The following PPP1R9A variants were observed in gnomAD, a reference collection of about 807,000 sequenced individuals.
The protein encoded by PPP1R9A is neurabin-1.
Under a neutral mutation model 141.9 loss-of-function variants are expected in PPP1R9A, and 59 were observed. That is an observed-to-expected ratio of 0.42 (90% CI 0.34 to 0.52). The LOEUF (loss-of-function observed/expected upper bound fraction) is 0.52, where lower values mean the gene tolerates loss of function less well. PPP1R9A is among the 20% of genes least tolerant of loss of function. The probability of loss-of-function intolerance (pLI) is 0.10; values close to 1 mark genes in which losing one functional copy is unlikely to be tolerated. For missense variants in PPP1R9A, 1,444 were observed against 1,611.9 expected (o/e 0.90, Z 1.78); for synonymous variants, 500 against 569.7 (o/e 0.88, Z 1.74).
chr7:95,189,475 C>G (rs1294159690), intron 5 of PPP1R9A, among the ~76,000 whole-genome samples: 1 of 124,936 alleles, frequency 8.0e-6, no homozygotes, highest in Non-Finnish European at 1.6e-5. Flanking sequence ...CTCGCTCTGT[C>G]GCCCAGGCTG....
At chr7:95,106,170 A>G (rs186239151) in intron 2 of PPP1R9A, among the ~76,000 whole-genome samples, 228 of 152,334 alleles carry the variant, frequency 1.5e-3, no homozygotes, top group African/African-American at 4.9e-3. Flanking sequence ...ATTATCCCTC[A>G]TATTACCCTG....
At chr7:95,168,522 T>C (rs1328702271) in intron 5 of PPP1R9A, among the ~76,000 whole-genome samples, 4 of 90,566 alleles carry the variant, frequency 4.4e-5, no homozygotes, top group Admixed American at 1.1e-4. Context: ...GCACAGGCAA[T>C]GAAAAAAAAA....
chr7:95,003,794 TA>T (rs1308353678), intron 2 of PPP1R9A, among the ~76,000 whole-genome samples: 1 of 152,330 alleles, frequency 6.6e-6, no homozygotes, highest in South Asian at 2.1e-4. Flanking sequence ...TAGGTAATTC[TA>T]ATGTGTAGTC....
At chr7:94,936,394 C>T (rs1026310106) in intron 2 of PPP1R9A, among the ~76,000 whole-genome samples, 1 of 152,116 alleles carries the variant, frequency 6.6e-6, no homozygotes, top group Admixed American at 6.6e-5. Context: ...CAGGCTTCTG[C>T]CAGTAGTAGT....
At chr7:95,188,348 CCCTT>C (rs540552443) in intron 5 of PPP1R9A, among the ~76,000 whole-genome samples, 92 of 152,092 alleles carry the variant, frequency 6.0e-4, no homozygotes, top group African/African-American at 2.2e-3. Flanking sequence ...CTTTTTCCAC[CCCTT>C]TACCTTAAGT....
chr7:95,065,700 G>A (rs739505), intron 2 of PPP1R9A, among the ~76,000 whole-genome samples: 50,113 of 151,966 alleles, frequency 0.33, 9,687 homozygotes, highest in Non-Finnish European at 0.44. Context: ...TGCACAGCTC[G>A]GTTGTACTTT....
At chr7:95,051,590 T>C (rs944445643) in intron 2 of PPP1R9A, among the ~76,000 whole-genome samples, 1 of 152,202 alleles carries the variant, frequency 6.6e-6, no homozygotes, top group African/African-American at 2.4e-5. Flanking sequence ...TCTTTATACA[T>C]GTCATTTCAG....
At chr7:95,094,264 T>A (rs772564391) in intron 2 of PPP1R9A, among the ~76,000 whole-genome samples, 1 of 152,154 alleles carries the variant, frequency 6.6e-6, no homozygotes, top group Non-Finnish European at 1.5e-5. Context: ...ATTCTCCAGG[T>A]AATATGGAGA....
intron 2 of PPP1R9A, among the ~76,000 whole-genome samples, chr7:95,063,502 C>T (rs1044018621): frequency 1.3e-5 from 2 of 152,112 alleles, no homozygotes; most frequent in African/African-American, 4.8e-5. Flanking sequence ...GCGGTCAAGT[C>T]TGCAGTGAGC....
chr7:95,174,707 A>G (rs1832646848), intron 5 of PPP1R9A, among the ~76,000 whole-genome samples: 1 of 152,130 alleles, frequency 6.6e-6, no homozygotes, highest in Non-Finnish European at 1.5e-5. Flanking sequence ...GTGTACTTTT[A>G]CTTTTAAAAT....
At chr7:94,920,292 A>C (rs1028916732) in intron 2 of PPP1R9A, among the ~76,000 whole-genome samples, 1 of 152,168 alleles carries the variant, frequency 6.6e-6, no homozygotes, top group African/African-American at 2.4e-5. Flanking sequence ...AGTTGCTGAC[A>C]TATTAATTGC....
chr7:94,994,712 G>A (rs1360445715), intron 2 of PPP1R9A, among the ~76,000 whole-genome samples: 1 of 152,014 alleles, frequency 6.6e-6, no homozygotes, highest in Non-Finnish European at 1.5e-5. Context: ...TGGCCAACAT[G>A]GTGAAACCCC....
intron 2 of PPP1R9A, among the ~76,000 whole-genome samples, chr7:94,986,427 A>T (rs13245537): frequency 2.0e-5 from 3 of 152,216 alleles, no homozygotes; most frequent in African/African-American, 7.2e-5. Flanking sequence ...ACTCATATAT[A>T]GGAGCTAAAA....
At chr7:95,128,768 G>A (rs1372434028) in intron 4 of PPP1R9A, among the ~76,000 whole-genome samples, 1 of 152,068 alleles carries the variant, frequency 6.6e-6, no homozygotes, top group Admixed American at 6.5e-5. Context: ...GTAGAGACAG[G>A]GTTTCTACCA....
chr7:95,044,557 T>A (rs1809726820), intron 2 of PPP1R9A, among the ~76,000 whole-genome samples: 1 of 150,324 alleles, frequency 6.7e-6, no homozygotes, highest in Admixed American at 6.6e-5. Flanking sequence ...ATTTTTTTTT[T>A]TTTTTTTGAG....
At chr7:95,219,495 C>T (rs1794080724) in intron 7 of PPP1R9A, among the ~76,000 whole-genome samples, 1 of 152,046 alleles carries the variant, frequency 6.6e-6, no homozygotes, top group African/African-American at 2.4e-5. Flanking sequence ...CTCTGTATTT[C>T]CTGAATTTGA....
chr7:95,147,364 G>C (rs984679946), intron 4 of PPP1R9A, among the ~76,000 whole-genome samples: 2 of 152,204 alleles, frequency 1.3e-5, no homozygotes, highest in Non-Finnish European at 2.9e-5. Context: ...AGACTTTGCT[G>C]AAGTTGCTTA....
chr7:95,065,892 G>A (rs1812870816), intron 2 of PPP1R9A, among the ~76,000 whole-genome samples: 1 of 152,170 alleles, frequency 6.6e-6, no homozygotes. Context: ...TTTCCATGTG[G>A]AGAAGAGAAA....
chr7:95,233,825 C>T (rs1796310777), intron 8 of PPP1R9A, among the ~76,000 whole-genome samples: 1 of 152,100 alleles, frequency 6.6e-6, no homozygotes, highest in Admixed American at 6.6e-5. Context: ...AAAAGATAAC[C>T]TACCATGATC....
Sources: gnomAD v4.1 joint callset for allele counts (sites outside exome capture counted in the v4.1 genomes callset) on GRCh38, gnomAD v4.1.1 for gene constraint, MANE v1.5 for transcripts, NCBI Gene and HGNC (gene_info 2026-07-23, HGNC 2026-07-21) for gene names.